Variants in EDA observed in about 807,000 individuals in gnomAD.
EDA encodes ectodysplasin A, also known as ectodysplasin-A.
EDA carries 2 observed loss-of-function variants against 23.6 expected under a neutral mutation model. The observed-to-expected ratio is 0.08, with a 90% CI of 0.03 to 0.27. The LOEUF (loss-of-function observed/expected upper bound fraction) is 0.27. Ranked by LOEUF, EDA falls within the 10% of genes least tolerant of loss-of-function variation. The pLI is 1.00. For missense variants in EDA, 229 were observed against 324.2 expected, an observed-to-expected ratio of 0.71 and a Z score of 2.26; for synonymous variants, 131 against 132.0, an observed-to-expected ratio of 0.99 and a Z score of 0.05.
chrX:69,877,080 G>A (rs1254812538), intron 1 of EDA, among the ~76,000 whole-genome samples: 1 of 112,291 alleles, frequency 8.9e-6, no homozygotes, highest in African/African-American at 3.2e-5. Context: ...CAGCACTTTG[G>A]GAGGCCAAGG....
chrX:69,874,357 G>A (rs982625205), intron 1 of EDA, among the ~76,000 whole-genome samples: 1 of 111,653 alleles, frequency 9.0e-6, no homozygotes, highest in Non-Finnish European at 1.9e-5. Flanking sequence ...GTCAATTAAT[G>A]TGATACACCA....
intron 1 of EDA, among the ~76,000 whole-genome samples, chrX:69,845,633 G>T (rs1482137645): frequency 8.9e-6 from 1 of 111,930 alleles, no homozygotes; most frequent in Non-Finnish European, 1.9e-5. Flanking sequence ...TCTGATTTTT[G>T]ATATTAACAC....
intron 1 of EDA, among the ~76,000 whole-genome samples, chrX:69,878,238 C>T (rs1378989907): frequency 8.9e-6 from 1 of 112,365 alleles, no homozygotes; most frequent in Non-Finnish European, 1.9e-5. Context: ...GCACTCCCCT[C>T]CCCGACCCCC....
At chrX:69,746,954 C>T (rs1191441573) in intron 1 of EDA, among the ~76,000 whole-genome samples, 1 of 111,202 alleles carries the variant, frequency 9.0e-6, no homozygotes, top group Admixed American at 9.6e-5. Flanking sequence ...GTTTAACACT[C>T]TAGCAGAGGC....
At chrX:69,816,578 CCAAA>C (rs2016086961) in intron 1 of EDA, among the ~76,000 whole-genome samples, 2 of 111,160 alleles carry the variant, frequency 1.8e-5, no homozygotes, top group South Asian at 7.7e-4. Flanking sequence ...GCAGAATATA[CCAAA>C]CAGAGGAAAG....
intron 1 of EDA, among the ~76,000 whole-genome samples, chrX:69,646,115 C>T (rs1569281480): frequency 9.0e-6 from 1 of 111,208 alleles, no homozygotes; most frequent in Non-Finnish European, 1.9e-5. Context: ...ATTATATGAT[C>T]AATTTTAGAG....
intron 1 of EDA, among the ~76,000 whole-genome samples, chrX:69,822,661 C>G (rs1453105848): frequency 9.0e-6 from 1 of 111,708 alleles, no homozygotes; most frequent in Non-Finnish European, 1.9e-5. Flanking sequence ...TAAATAAGTT[C>G]TAACATCCTG....
intron 1 of EDA, among the ~76,000 whole-genome samples, chrX:69,714,862 C>T (rs1056836308): frequency 9.1e-6 from 1 of 110,162 alleles, no homozygotes; most frequent in African/African-American, 3.3e-5. Context: ...GGTTGTTCTA[C>T]CTATTCTGGG....
intron 1 of EDA, among the ~76,000 whole-genome samples, chrX:69,919,506 C>A: frequency 8.9e-6 from 1 of 111,873 alleles, no homozygotes; most frequent in East Asian, 2.8e-4. Context: ...CCCTCTTCAA[C>A]AGTCTTGCTT....
chrX:69,932,835 A>G (rs1437466068), intron 1 of EDA, among the ~76,000 whole-genome samples: 2 of 111,260 alleles, frequency 1.8e-5, no homozygotes, highest in East Asian at 5.6e-4. Flanking sequence ...TTCTTAATTC[A>G]TCTATTTTAC....
At chrX:69,635,709 C>CA (rs1386711164) in intron 1 of EDA, among the ~76,000 whole-genome samples, 1 of 108,621 alleles carries the variant, frequency 9.2e-6, no homozygotes, top group Non-Finnish European at 1.9e-5. Context: ...GCTGGGATTA[C>CA]AGGCGCCCGC....
At chrX:69,718,913 G>T (rs1209133314) in intron 1 of EDA, among the ~76,000 whole-genome samples, 1 of 111,646 alleles carries the variant, frequency 9.0e-6, no homozygotes, top group Non-Finnish European at 1.9e-5. Flanking sequence ...ATTCACCAGT[G>T]AATTCAGTTG....
At chrX:69,641,299 G>A (rs755530051) in intron 1 of EDA, among the ~76,000 whole-genome samples, 2 of 111,773 alleles carry the variant, frequency 1.8e-5, no homozygotes, top group African/African-American at 6.5e-5. Context: ...ATTATAAAAC[G>A]CAATAGCAAT....
At chrX:69,950,972 G>A (rs1602559524) in intron 1 of EDA, among the ~76,000 whole-genome samples, 1 of 100,505 alleles carries the variant, frequency 9.9e-6, no homozygotes, top group Admixed American at 1.1e-4. Flanking sequence ...GGATAGCATT[G>A]GGAGATATAC....
intron 1 of EDA, among the ~76,000 whole-genome samples, chrX:69,888,486 C>T (rs1279842143): frequency 1.9e-5 from 2 of 103,952 alleles, no homozygotes; most frequent in African/African-American, 7.0e-5. Context: ...AGTCTCCAAT[C>T]AAAAGACAGA....
At chrX:69,889,007 T>TATAGATATATATATAG (rs2017880878) in intron 1 of EDA, among the ~76,000 whole-genome samples, 1 of 72,376 alleles carries the variant, frequency 1.4e-5, no homozygotes, top group Non-Finnish European at 2.6e-5. Context: ...TATATATATA[T>TATAGATATATATATAG]ATATATATAT....
At chrX:69,910,573 C>T (rs1005009763) in intron 1 of EDA, among the ~76,000 whole-genome samples, 2 of 110,434 alleles carry the variant, frequency 1.8e-5, no homozygotes, top group African/African-American at 6.6e-5. Flanking sequence ...ATTTCAATTA[C>T]ATATGTGTTT....
At chrX:69,652,753 A>G (rs1168329588) in intron 1 of EDA, among the ~76,000 whole-genome samples, 3 of 112,171 alleles carry the variant, frequency 2.7e-5, no homozygotes, top group Non-Finnish European at 5.6e-5. Flanking sequence ...TAAAAAAGAT[A>G]TAGTGCTTAA....
intron 1 of EDA, among the ~76,000 whole-genome samples, chrX:69,833,877 G>C (rs757605106): frequency 9.1e-6 from 1 of 109,509 alleles, no homozygotes. Flanking sequence ...TACGTATACA[G>C]GTGCCATGTT....
Sources: allele counts gnomAD v4.1 joint callset (sites outside exome capture counted in the v4.1 genomes callset), GRCh38; gene constraint gnomAD v4.1.1; transcripts MANE v1.5; gene names NCBI Gene and HGNC (gene_info 2026-07-23, HGNC 2026-07-21).